The following AGBL2 variants were observed in gnomAD, a reference collection of about 807,000 sequenced individuals.
AGBL2 encodes the protein cytosolic carboxypeptidase 2.
In AGBL2, 87 loss-of-function variants were observed where a neutral mutation model predicts 103.0. The ratio of observed to expected loss-of-function variants is 0.84; its 90% CI spans 0.71 to 1.01. AGBL2 has a LOEUF of 1.01. Among genes scored for constraint, AGBL2 ranks in the 50% least tolerant of loss-of-function variants. The pLI is 0.00. For synonymous variants in AGBL2, 335 were observed against 356.7 expected (o/e 0.94, Z 0.69); for missense variants, 904 against 1,023.5 (o/e 0.88, Z 1.59).
chr11:47,690,883 T>G, intron 9 of AGBL2, 25 bp from the exon 10 acceptor site: 1 of 1,573,808 alleles, frequency 6.4e-7, no homozygotes, highest in Non-Finnish European at 8.6e-7. Flanking sequence ...ATAGAACAAC[T>G]CTGTAAGCTT....
In AGBL2 at chr11:47,701,771, G is replaced by A. The variant is rs562448222; in HGVS notation, c.587-2218C>T. ...GCAGATCACTTGAGGTCATGAGTTCGAGACCAGCCTGGCCTACATGGTGAA... is the reference window on the plus strand; with the variant it reads ...GCAGATCACTTGAGGTCATGAGTTCAAGACCAGCCTGGCCTACATGGTGAA... On this transcript the variant is annotated intron_variant, in intron 7 of 18. Transcript: ENST00000525123. 5.5e-4 allele frequency among the ~76,000 whole-genome samples: 84 copies of A among 151,870 alleles called. 1 individual carries two copies. The highest frequency in any genetic ancestry group is 3.2e-4 in the Non-Finnish European group (22 of 67,942).
chr11:47,711,005 C>T (rs1336241321), intron 3 of AGBL2: 3 of 363,482 alleles, frequency 8.3e-6, no homozygotes, highest in Admixed American at 3.8e-5. Context: ...GGTTCCAACC[C>T]TCAATAACAT....
At chr11:47,710,048 C>T (rs1488359771) in intron 4 of AGBL2, among the ~76,000 whole-genome samples, 1 of 151,946 alleles carries the variant, frequency 6.6e-6, no homozygotes, top group East Asian at 1.9e-4. Context: ...GTCACCACAC[C>T]CGGCTAATTT....
chr11:47,668,997 G>A, intron 14 of AGBL2, 90 bp from the exon 15 acceptor site: 1 of 836,252 alleles, frequency 1.2e-6, no homozygotes, highest in Non-Finnish European at 2.0e-6. Flanking sequence ...TATGGGATTA[G>A]GATTAGGATA....
intron 13 of AGBL2, among the ~76,000 whole-genome samples, chr11:47,678,394 C>T (rs2097386539): frequency 6.8e-6 from 1 of 146,150 alleles, no homozygotes; most frequent in Admixed American, 7.0e-5. Context: ...AGTGTAGTGG[C>T]ATGATCTCTG....
At chr11:47,683,882 G>A (rs2097412424) in intron 11 of AGBL2, among the ~76,000 whole-genome samples, 1 of 150,358 alleles carries the variant, frequency 6.7e-6, no homozygotes, top group South Asian at 2.1e-4. Flanking sequence ...CTTGAACCCA[G>A]GAGTTCAAGA....
At chr11:47,678,242 G>A (rs1168547569) in intron 13 of AGBL2, among the ~76,000 whole-genome samples, 3 of 151,752 alleles carry the variant, frequency 2.0e-5, no homozygotes, top group South Asian at 2.1e-4. Context: ...GATTACAGGC[G>A]TGAGCCATCA....
rs908637891 is a variant in AGBL2 at position 47,705,846 on chromosome 11, T to C, written c.286+18A>G. ...AAAAAGGAGCTTGAATCTTCTGGTC[T>C]GGAAGGACATGAAATACCTCTGTTG... On this transcript the variant is annotated intron_variant, in intron 5 of 18. Coordinates refer to ENST00000525123, the MANE Select transcript of AGBL2 (RefSeq NM_024783.4). 9.3e-6 allele frequency: 15 copies of C among 1,612,220 alleles called. No homozygotes were observed. In the African/African-American group the frequency reaches 2.0e-4, roughly 22 times the overall value.
intron 14 of AGBL2, among the ~76,000 whole-genome samples, 172 bp downstream of exon 14, chr11:47,677,099 C>T (rs1299681402): frequency 6.6e-6 from 1 of 152,134 alleles, no homozygotes; most frequent in African/African-American, 2.4e-5. Flanking sequence ...CCTTAACTTC[C>T]TGGGCTCAGG....
rs573720952 is a variant in AGBL2 at position 47,680,266 on chromosome 11, A to G, written c.1916-193T>C. Among the ~76,000 whole-genome samples, 3 of 151,964 alleles carry G rather than the reference A, an allele frequency of 2.0e-5. No individual in the cohort carries two copies. In the East Asian group the frequency reaches 5.8e-4, roughly 30 times the overall value. Reference sequence around the variant, plus strand: ...GGAGATTGAGACCATCCTGGCTAACATGGTGAAAGCTCGTCTCTACTAAAA... The same window carrying G: ...GGAGATTGAGACCATCCTGGCTAACGTGGTGAAAGCTCGTCTCTACTAAAA... On this transcript the variant is annotated intron_variant, in intron 12 of 18. Transcript: ENST00000525123.
chr11:47,698,966 C>CAAAAA (rs5791781), intron 8 of AGBL2, among the ~76,000 whole-genome samples: 2 of 117,560 alleles, frequency 1.7e-5, no homozygotes, highest in Non-Finnish European at 1.8e-5. Context: ...GTAGGAATGG[C>CAAAAA]AAAAAAAAAA....
At position 47,715,293 on chromosome 11, in the gene AGBL2, G is replaced by A. The variant is rs1452709469; in HGVS notation, c.-219C>T. The A allele has an allele frequency of 1.3e-5, 2 of 152,634 alleles. No individual in the cohort carries two copies. Among genetic ancestry groups the A allele is most frequent in the South Asian group, 2.1e-4 (1 of 4,854 alleles). 9.5% of individuals were successfully genotyped at this position (152,634 alleles called of 1,614,324 possible). On this transcript the variant is annotated 5_prime_UTR_variant, in exon 1 of 19. Coordinates refer to ENST00000525123, the MANE Select transcript of AGBL2 (RefSeq NM_024783.4). ...GCGGCCACCGCACTTAAGTACAGAG[G>A]CCAAGCAGTGTGCGGGCAAGGGGAC... is the stretch of plus-strand genomic sequence containing the variant.
At chr11:47,713,927 G>T (rs891822969) in intron 3 of AGBL2, 1 of 202,260 alleles carries the variant, frequency 4.9e-6, no homozygotes, top group African/African-American at 2.3e-5. Context: ...AAAGACTCAA[G>T]AACAGCCGTG....
chr11:47,680,088 AAC>A lies in AGBL2; in HGVS notation c.1916-17_1916-16del. On this transcript the variant is annotated splice_polypyrimidine_tract_variant and intron_variant, in intron 12 of 18. Transcript: ENST00000525123. The stretch of plus-strand genomic sequence containing the variant: ...TCTTTTATTACCTGGAAAAAAAAAA[AAC>A]CCCGCAAACATTTCCAATTAAATCT... The A allele has an allele frequency of 3.5e-6, 5 of 1,427,948 alleles. No individual in the cohort carries two copies. The highest frequency in any genetic ancestry group is 4.9e-6 in the Non-Finnish European group (5 of 1,028,544). The allele number at this position is 1,427,948 out of a possible 1,614,324, so 88.5% of individuals were successfully genotyped here.
chr11:47,682,737 G>A (rs939248069), intron 11 of AGBL2, among the ~76,000 whole-genome samples: 3 of 152,052 alleles, frequency 2.0e-5, no homozygotes, highest in African/African-American at 7.3e-5. Flanking sequence ...ATATACACTT[G>A]GCACCTCTCT....
intron 18 of AGBL2, 105 bp from the exon 19 acceptor site, chr11:47,660,451 T>G: frequency 9.9e-7 from 1 of 1,012,244 alleles, no homozygotes. Context: ...GAGAAATATT[T>G]GCATTTCTTC....
At chr11:47,667,111 T>C (rs1345290884) in intron 16 of AGBL2, 48 bp from the exon 17 acceptor site, 1 of 1,308,278 alleles carries the variant, frequency 7.6e-7, no homozygotes. Context: ...CTATTCAAAA[T>C]TGATCCAATT....
At position 47,680,020 on chromosome 11, in the gene AGBL2, G is replaced by A. The variant is rs1411524367; in HGVS notation, c.1969C>T (p.His657Tyr). The A allele has an allele frequency of 3.7e-6, 6 of 1,611,982 alleles. No individual in the cohort carries two copies. Among genetic ancestry groups the A allele is most frequent in the Non-Finnish European group, 5.1e-6 (6 of 1,178,934 alleles). ...TIEDLKSLGYHVCDTLLDFCD... is the reference protein window; with the variant it reads ...TIEDLKSLGYYVCDTLLDFCD... ...AAGTCCAGAAGGGTGTCACAGACATGATAACCTAAGGACTTCAGATCTTCG... is the reference window on the plus strand; with the variant it reads ...AAGTCCAGAAGGGTGTCACAGACATAATAACCTAAGGACTTCAGATCTTCG... The change falls in exon 13 of 19, where the codon CAT becomes TAT. Residue 657 changes from histidine to tyrosine, a missense_variant. By Grantham distance (83) the His-to-Tyr change is moderately conservative. Transcript: ENST00000525123.
At chr11:47,684,165 C>T (rs1453403476) in intron 11 of AGBL2, among the ~76,000 whole-genome samples, 1 of 151,794 alleles carries the variant, frequency 6.6e-6, no homozygotes, top group East Asian at 1.9e-4. Flanking sequence ...CTCAGCTACT[C>T]GGGAGGCTGA....
Sources: gnomAD v4.1 joint callset for allele counts (sites outside exome capture counted in the v4.1 genomes callset) on GRCh38, gnomAD v4.1.1 for gene constraint, MANE v1.5 for transcripts, NCBI Gene and HGNC (gene_info 2026-07-23, HGNC 2026-07-21) for gene names.